Variants in PCDHGB1 observed in about 807,000 individuals in gnomAD.
PCDHGB1 encodes protocadherin gamma subfamily B, 1, also known as protocadherin gamma-B1.
A neutral mutation model predicts 56.6 loss-of-function variants in PCDHGB1; 34 were observed. The ratio of observed to expected loss-of-function variants is 0.60; its 90% CI spans 0.46 to 0.80. The LOEUF is 0.80. Ranked by LOEUF, PCDHGB1 falls within the 30% of genes least tolerant of loss-of-function variation. The pLI, the probability that PCDHGB1 is intolerant of heterozygous loss-of-function variation, is 0.00. For synonymous variants in PCDHGB1, 561 were observed against 505.9 expected, an observed-to-expected ratio of 1.11 and a Z score of -1.46; for missense variants, 1,278 against 1,204.6, an observed-to-expected ratio of 1.06 and a Z score of -0.90.
chr5:141,389,647 AG>A, intron 1 of PCDHGB1: 10 of 1,612,908 alleles, frequency 6.2e-6, no homozygotes, highest in Non-Finnish European at 8.5e-6. Flanking sequence ...TTGGTGACCA[AG>A]GTAGTGGCGG....
chr5:141,421,353 G>C, intron 1 of PCDHGB1: 1 of 1,613,998 alleles, frequency 6.2e-7, no homozygotes, highest in Non-Finnish European at 8.5e-7. Flanking sequence ...AGACCGAAAA[G>C]GGCTCCTTCG....
intron 3 of PCDHGB1, among the ~76,000 whole-genome samples, chr5:141,510,166 A>G (rs1280391099): frequency 6.6e-6 from 1 of 151,872 alleles, no homozygotes; most frequent in African/African-American, 2.4e-5. Flanking sequence ...TCAGCTACTC[A>G]GGAGGTTGAG....
At chr5:141,370,968 C>A (rs528172004) in intron 1 of PCDHGB1, 3 of 1,613,848 alleles carry the variant, frequency 1.9e-6, no homozygotes, top group East Asian at 2.2e-5. Flanking sequence ...CAGTAGGTAC[C>A]CAGAGCTAGT....
intron 1 of PCDHGB1, among the ~76,000 whole-genome samples, chr5:141,406,616 T>C (rs1226509680): frequency 1.3e-5 from 2 of 152,242 alleles, no homozygotes; most frequent in Non-Finnish European, 2.9e-5. Flanking sequence ...ACATCTTTTA[T>C]TCTCATATCT....
At chr5:141,395,251 T>G (rs2093205315) in intron 1 of PCDHGB1, 2 of 1,557,062 alleles carry the variant, frequency 1.3e-6, no homozygotes, top group Non-Finnish European at 1.7e-6. Context: ...AGTTTAGTTC[T>G]TTGCTTGCTT....
intron 1 of PCDHGB1, among the ~76,000 whole-genome samples, chr5:141,483,322 G>C (rs1325809962): frequency 1.3e-5 from 2 of 152,110 alleles, no homozygotes. Flanking sequence ...TGGGACTGGA[G>C]GCAAAGAGAT....
chr5:141,357,623 T>C, intron 1 of PCDHGB1: 2 of 1,613,680 alleles, frequency 1.2e-6, no homozygotes, highest in Non-Finnish European at 1.7e-6. Context: ...AATCTTCAGG[T>C]GAGTCAATCT....
intron 1 of PCDHGB1, chr5:141,361,949 C>T: frequency 6.2e-7 from 1 of 1,604,150 alleles, no homozygotes; most frequent in Non-Finnish European, 8.5e-7. Flanking sequence ...GCTTGGCTGT[C>T]CTACCACGTG....
chr5:141,409,188 C>T lies in PCDHGB1; in HGVS notation c.2409+56519C>T, dbSNP rs1487313582. ...GCGAAGGACGGAGGTGGTCTCTCTA[C>T]CCAGTGTAAAGTAATCATAGAAATC... On this transcript the variant is annotated intron_variant, in intron 1 of 3. Transcript: ENST00000523390. 9 of 1,613,880 alleles carry T rather than the reference C, an allele frequency of 5.6e-6. No homozygotes were observed. In the Admixed American group the frequency reaches 8.3e-5, roughly 15 times the overall value.
intron 1 of PCDHGB1, among the ~76,000 whole-genome samples, chr5:141,425,769 A>C (rs1355689852): frequency 6.6e-6 from 1 of 152,256 alleles, no homozygotes; most frequent in Non-Finnish European, 1.5e-5. Flanking sequence ...ACAGGAGAGA[A>C]GACTTTGCCT....
intron 1 of PCDHGB1, chr5:141,422,834 G>A (rs1450583869): frequency 3.1e-6 from 5 of 1,614,230 alleles, no homozygotes; most frequent in East Asian, 2.2e-5. Context: ...GTGATAGCAC[G>A]TGACAGCGGG....
rs369940443 is a variant in PCDHGB1, at chr5:141,477,841, C to G, written c.2410-16966C>G. 6.2e-7 allele frequency: 1 copy of G among 1,613,308 alleles called. No individual in the cohort carries two copies. The highest frequency in any genetic ancestry group is 1.3e-5 in the African/African-American group (1 of 74,700). On this transcript the variant is annotated intron_variant, in intron 1 of 3. Coordinates refer to ENST00000523390, the MANE Select transcript of PCDHGB1 (RefSeq NM_018922.3). The surrounding 1 kb of genome is among the most constrained non-coding windows in gnomAD (Gnocchi z 4.9). ...TCCTATATCCTCGGCCAGGTGGGAG[C>G]TCGGTGGAGATGCTGCCTCGAGGTA...
At chr5:141,448,602 A>G (rs1350132402) in intron 1 of PCDHGB1, among the ~76,000 whole-genome samples, 1 of 152,154 alleles carries the variant, frequency 6.6e-6, no homozygotes, top group Non-Finnish European at 1.5e-5. Flanking sequence ...AAAATACTAT[A>G]CACCACTTTA....
chr5:141,356,903 C>T, intron 1 of PCDHGB1: 1 of 1,614,244 alleles, frequency 6.2e-7, no homozygotes, highest in Non-Finnish European at 8.5e-7. Flanking sequence ...CCCACCTTCC[C>T]TACTGATGGC....
chr5:141,421,530 C>A, intron 1 of PCDHGB1: 1 of 1,614,040 alleles, frequency 6.2e-7, no homozygotes, highest in Non-Finnish European at 8.5e-7. Context: ...AGACGGTGTC[C>A]TCCTGTTTTT....
Position 141,351,506 on chromosome 5 carries a change from G to C in PCDHGB1, c.1246G>C (p.Val416Leu). The C allele has an allele frequency of 6.2e-7, 1 of 1,613,992 alleles. No homozygotes were observed. The highest frequency in any genetic ancestry group is 8.5e-7 in the Non-Finnish European group (1 of 1,179,880). Reference sequence around the variant, plus strand: ...CCGGGAGCAGACAGCAGACTACAACGTCACAATCATAGCCACCGACAAGGG... The same window carrying C: ...CCGGGAGCAGACAGCAGACTACAACCTCACAATCATAGCCACCGACAAGGG... ...LNREQTADYN[V>L]TIIATDKGKP... The change falls in exon 1 of 4, where the codon GTC becomes CTC. Residue 416 changes from valine to leucine, a missense_variant. Transcript: ENST00000523390.
chr5:141,374,652 A>G, intron 1 of PCDHGB1: 1 of 1,612,302 alleles, frequency 6.2e-7, no homozygotes, highest in Non-Finnish European at 8.5e-7. Context: ...CATGGGCCCA[A>G]GTACCCGGAG....
At chr5:141,448,247 A>G (rs1449158776) in intron 1 of PCDHGB1, among the ~76,000 whole-genome samples, 1 of 152,104 alleles carries the variant, frequency 6.6e-6, no homozygotes, top group Non-Finnish European at 1.5e-5. Flanking sequence ...TTTGCACAAC[A>G]GGATCATTTT....
intron 1 of PCDHGB1, among the ~76,000 whole-genome samples, chr5:141,457,729 T>A (rs950979422): frequency 2.0e-5 from 3 of 152,236 alleles, no homozygotes; most frequent in Non-Finnish European, 4.4e-5. Context: ...GAATTTCAGA[T>A]TAGACTTTTA....
Sources: gnomAD v4.1 joint callset for allele counts (sites outside exome capture counted in the v4.1 genomes callset) on GRCh38, gnomAD v4.1.1 for gene constraint, Gnocchi (gnomAD v3.1) non-coding constraint, MANE v1.5 for transcripts, NCBI Gene and HGNC (gene_info 2026-07-23, HGNC 2026-07-21) for gene names.